The following ARHGEF12 variants were observed in gnomAD, a reference collection of about 807,000 sequenced individuals.
ARHGEF12 encodes the protein Rho guanine nucleotide exchange factor 12, also known as KMT2A/ARHGEF12 fusion protein.
In ARHGEF12, 66 loss-of-function variants were observed where a neutral mutation model predicts 211.2. The observed-to-expected ratio is 0.31, with a 90% CI of 0.26 to 0.38. The LOEUF (loss-of-function observed/expected upper bound fraction) is 0.38, where lower values mean the gene tolerates loss of function less well. Among genes scored for constraint, ARHGEF12 ranks in the 10% least tolerant of loss-of-function variants. The pLI is 1.00. For synonymous variants in ARHGEF12, 592 were observed against 638.4 expected (o/e 0.93, Z 1.09); for missense variants, 1,429 against 1,869.5 (o/e 0.76, Z 4.34).
chr11:120,404,796 T>C (rs994377481), intron 1 of ARHGEF12, among the ~76,000 whole-genome samples: 4 of 152,212 alleles, frequency 2.6e-5, no homozygotes, highest in African/African-American at 9.7e-5. Flanking sequence ...TGGAATCCTT[T>C]CTGTCAACTT....
In ARHGEF12 at chr11:120,389,428, C is replaced by G. The variant is rs981279595; in HGVS notation, c.33-16690C>G. 9.2e-5 allele frequency among the ~76,000 whole-genome samples: 14 copies of G among 152,160 alleles called. No homozygotes were observed. The South Asian group carries it at 1.7e-3, about 18-fold the overall frequency. On this transcript the variant is annotated intron_variant, in intron 1 of 40. Coordinates refer to ENST00000397843, the MANE Select transcript of ARHGEF12 (RefSeq NM_015313.3). The stretch of plus-strand genomic sequence containing the variant: ...TCTAGTTTTATAGTTTTGGGTTTTA[C>G]TTTTAGGTCTGTGATACATTTTCAG...
chr11:120,482,010 C>T (rs867407957), intron 39 of ARHGEF12, among the ~76,000 whole-genome samples: 5 of 152,114 alleles, frequency 3.3e-5, no homozygotes, highest in African/African-American at 1.2e-4. Context: ...CCGCCTGCCT[C>T]GGCCTCCCAA....
intron 1 of ARHGEF12, among the ~76,000 whole-genome samples, chr11:120,361,272 C>A (rs1005168152): frequency 6.6e-6 from 1 of 152,142 alleles, no homozygotes; most frequent in African/African-American, 2.4e-5. Context: ...TTGCTGGGGA[C>A]GCATTAGATT....
intron 4 of ARHGEF12, among the ~76,000 whole-genome samples, chr11:120,412,544 T>C (rs1944916028): frequency 1.3e-5 from 2 of 152,232 alleles, no homozygotes; most frequent in Non-Finnish European, 2.9e-5. Context: ...CTTTCTTTAG[T>C]TTCTATGATA....
chr11:120,414,203 A>G (rs1410970590), intron 4 of ARHGEF12, among the ~76,000 whole-genome samples: 1 of 152,234 alleles, frequency 6.6e-6, no homozygotes, highest in Non-Finnish European at 1.5e-5. Context: ...GAAGCATGAT[A>G]TCAGGTTTAT....
chr11:120,437,430 A>T (rs750494763), intron 12 of ARHGEF12, 48 bp downstream of exon 12: 3 of 1,465,276 alleles, frequency 2.0e-6, no homozygotes, highest in Middle Eastern at 1.7e-4. Context: ...GGCTTTCCTT[A>T]TACTTAAAGT....
intron 18 of ARHGEF12, chr11:120,447,290 G>A: frequency 2.1e-6 from 1 of 466,394 alleles, no homozygotes; most frequent in East Asian, 3.6e-5. Context: ...TCTGGGTGGT[G>A]GTAAATGGGT....
chr11:120,434,284 CTT>C (rs1458034799), intron 11 of ARHGEF12, among the ~76,000 whole-genome samples: 1 of 152,130 alleles, frequency 6.6e-6, no homozygotes, highest in Non-Finnish European at 1.5e-5. Context: ...TACAGATACT[CTT>C]TTTTAACACT....
At chr11:120,443,218 C>T (rs564395733) in intron 15 of ARHGEF12, among the ~76,000 whole-genome samples, 2 of 152,110 alleles carry the variant, frequency 1.3e-5, no homozygotes, top group African/African-American at 4.8e-5. Flanking sequence ...CGGGGTTTCG[C>T]CATGTTGCCC....
intron 1 of ARHGEF12, among the ~76,000 whole-genome samples, chr11:120,380,046 T>G (rs1341617320): frequency 1.3e-5 from 2 of 152,362 alleles, no homozygotes; most frequent in East Asian, 3.9e-4. Context: ...CTTTAAATGC[T>G]TGTGATAATT....
chr11:120,340,674 G>T (rs1207270878), intron 1 of ARHGEF12, among the ~76,000 whole-genome samples: 1 of 152,088 alleles, frequency 6.6e-6, no homozygotes, highest in Non-Finnish European at 1.5e-5. Context: ...TCTCGGCAAG[G>T]TGAAATTATT....
rs188419286 is a variant in ARHGEF12 at position 120,465,323 on chromosome 11, T to A, written c.2700T>A (p.Ser900=). 6.2e-7 allele frequency: 1 copy of A among 1,614,164 alleles called. No individual in the cohort carries two copies. Among genetic ancestry groups the A allele is most frequent in the Admixed American group, 1.7e-5 (1 of 60,008 alleles). ...NQPFALEMIK[S]RQKKDSRFQT... ...CTTTCGCCCTGGAAATGATCAAATC[T>A]CGTCAGAAAAAGGATTCTCGATTTC... The change falls in exon 28 of 41, where the codon TCT becomes TCA. Residue 900 remains serine (S), a synonymous_variant. Coordinates refer to ENST00000397843, the MANE Select transcript of ARHGEF12 (RefSeq NM_015313.3).
At chr11:120,419,239 C>A (rs1425010021) in intron 4 of ARHGEF12, among the ~76,000 whole-genome samples, 1 of 151,924 alleles carries the variant, frequency 6.6e-6, no homozygotes, top group Non-Finnish European at 1.5e-5. Context: ...CGATTACAGG[C>A]CCGGCCTGCC....
chr11:120,383,786 G>C (rs1943948742), intron 1 of ARHGEF12, among the ~76,000 whole-genome samples: 1 of 152,078 alleles, frequency 6.6e-6, no homozygotes, highest in South Asian at 2.1e-4. Context: ...TGGCCCAGGA[G>C]TTGGAGACCC....
chr11:120,447,820 AAATT>A (rs1465852391), intron 18 of ARHGEF12, 50 bp from the exon 19 acceptor site: 2 of 1,329,956 alleles, frequency 1.5e-6, no homozygotes, highest in Non-Finnish European at 2.1e-6. Context: ...TGTCTCAAAA[AAATT>A]AATTAAACTT....
intron 1 of ARHGEF12, among the ~76,000 whole-genome samples, chr11:120,344,992 C>T (rs1400306525): frequency 6.6e-6 from 1 of 152,040 alleles, no homozygotes; most frequent in Non-Finnish European, 1.5e-5. Context: ...ATGATTTTAC[C>T]CTAGAAGAGT....
chr11:120,409,445 T>G lies in ARHGEF12; in HGVS notation c.194T>G (p.Ile65Arg). The change falls in exon 4 of 41, where the codon ATA (isoleucine) becomes AGA (arginine). Residue 65 changes from isoleucine (I) to arginine (R), a missense_variant. This residue lies in a region of ARHGEF12 where 60 missense variants were observed against 121.0 expected (regional missense o/e 0.50). Coordinates refer to ENST00000397843, the MANE Select transcript of ARHGEF12 (RefSeq NM_015313.3). ...AGTTCAGAGGAGAGTAGATCCGAGA[T>G]ATATGGTAAGCTAATGTAGCTAATT... The part of the protein sequence containing the change: ...KSSSEESRSE[I>R]YGLVQRCVII... The G allele has an allele frequency of 1.2e-6, 2 of 1,613,828 alleles. No homozygotes were observed. The highest frequency in any genetic ancestry group is 1.7e-6 in the Non-Finnish European group (2 of 1,179,828).
intron 1 of ARHGEF12, among the ~76,000 whole-genome samples, chr11:120,358,616 A>G (rs1296055590): frequency 6.6e-6 from 1 of 152,224 alleles, no homozygotes; most frequent in Non-Finnish European, 1.5e-5. Context: ...GGCTATTTAC[A>G]TTTAAATTAA....
At position 120,488,676 on chromosome 11, in the gene ARHGEF12, G is replaced by A. The variant is rs1228486373; in HGVS notation, c.*3599G>A. On this transcript the variant is annotated 3_prime_UTR_variant, in exon 41 of 41. Transcript: ENST00000397843. The stretch of plus-strand genomic sequence containing the variant: ...ATATTCCAAAAATGGTAACTGTCAT[G>A]TGCACACTGTTGGTTATTTTTAATA... The A allele has an allele frequency of 4.5e-6, 1 of 220,746 alleles. No individual in the cohort carries two copies. Among genetic ancestry groups the A allele is most frequent in the African/African-American group, 2.2e-5 (1 of 44,624 alleles). The allele number at this position is 220,746 out of a possible 1,614,324, so 13.7% of individuals were successfully genotyped here.
Sources: gnomAD v4.1 joint callset for allele counts (sites outside exome capture counted in the v4.1 genomes callset) on GRCh38, gnomAD v4.1.1 for gene constraint, gnomAD v4.1.1 regional missense constraint, MANE v1.5 for transcripts, NCBI Gene and HGNC (gene_info 2026-07-23, HGNC 2026-07-21) for gene names.